PEBP4: variants seen among roughly 807,000 people sequenced by gnomAD.
PEBP4 encodes phosphatidylethanolamine binding protein 4, also known as phosphatidylethanolamine-binding protein 4.
PEBP4 carries 22 observed loss-of-function variants against 23.9 expected under a neutral mutation model. The observed-to-expected ratio is 0.92, with a 90% confidence interval of 0.66 to 1.31. PEBP4 has a LOEUF of 1.31. Among genes scored for constraint, PEBP4 ranks in the 40% most tolerant of loss-of-function variants. The probability of loss-of-function intolerance (pLI) is 0.00; values close to 1 mark genes in which losing one functional copy is unlikely to be tolerated. For synonymous variants in PEBP4, 112 were observed against 99.3 expected (o/e 1.13, Z -0.76); for missense variants, 324 against 281.7 (o/e 1.15, Z -1.07).
intron 5 of PEBP4, among the ~76,000 whole-genome samples, chr8:22,725,674 G>C (rs1804609681): frequency 2.0e-5 from 3 of 152,144 alleles, no homozygotes; most frequent in Admixed American, 2.0e-4. Context: ...CTTTCCCAGA[G>C]TGCTTCACCC....
chr8:22,839,006 C>A (rs376338551), intron 3 of PEBP4, among the ~76,000 whole-genome samples: 1 of 152,090 alleles, frequency 6.6e-6, no homozygotes, highest in Non-Finnish European at 1.5e-5. Flanking sequence ...ACCATGCCTT[C>A]GCTACAGGCA....
At chr8:22,728,559 T>TCTTTCTTTCTTTCTTC (rs1462225042) in intron 4 of PEBP4, among the ~76,000 whole-genome samples, 10 of 96,364 alleles carry the variant, frequency 1.0e-4, no homozygotes, top group African/African-American at 3.2e-4. Context: ...TTTCTTTCTT[T>TCTTTCTTTCTTTCTTC]CTTCCTTCCT....
chr8:22,815,085 C>T (rs755322829), intron 4 of PEBP4: 1 of 152,182 alleles, frequency 6.6e-6, no homozygotes, highest in Admixed American at 6.5e-5. Flanking sequence ...TAAGAGATGG[C>T]ATCATTCAAC....
At chr8:22,929,674 T>G (rs1475107062), upstream of PEBP4, among the ~76,000 whole-genome samples, 1 of 152,228 alleles carries the variant, frequency 6.6e-6, no homozygotes, top group Non-Finnish European at 1.5e-5. Context: ...CCCCAGGCTC[T>G]GGTTGAACCT....
At chr8:22,853,197 C>T (rs543201316) in intron 3 of PEBP4, among the ~76,000 whole-genome samples, 1 of 152,318 alleles carries the variant, frequency 6.6e-6, no homozygotes, top group South Asian at 2.1e-4. Context: ...AAGTTTGCTA[C>T]TGTTATGAAT....
At chr8:22,914,013 A>C (rs1450274248) in intron 3 of PEBP4, among the ~76,000 whole-genome samples, 1 of 132,004 alleles carries the variant, frequency 7.6e-6, no homozygotes, top group Non-Finnish European at 1.6e-5. Context: ...TTTGAGACAG[A>C]GTCTTGCTCT....
At chr8:22,771,296 C>T (rs1276422504) in intron 4 of PEBP4, among the ~76,000 whole-genome samples, 2 of 152,136 alleles carry the variant, frequency 1.3e-5, no homozygotes, top group Admixed American at 6.5e-5. Context: ...CGAGACCAGC[C>T]TAGCCAACAT....
rs532996522 is a variant in PEBP4 at position 22,924,122 on chromosome 8, G to GC, written c.131+3461_131+3462insG. 9.2e-5 allele frequency among the ~76,000 whole-genome samples: 14 copies of GC among 152,282 alleles called. No individual in the cohort carries two copies. The South Asian group carries it at 2.9e-3, about 32-fold the overall frequency. On this transcript the variant is annotated intron_variant, in intron 2 of 6. Transcript: ENST00000256404. ...GCATGCCTGTAATACCGGCACTTTG[G>GC]GAGGCTGAGGCAGCAGGATTGCTTG...
At chr8:22,862,514 G>A (rs1276763218) in intron 3 of PEBP4, among the ~76,000 whole-genome samples, 1 of 141,422 alleles carries the variant, frequency 7.1e-6, no homozygotes, top group Non-Finnish European at 1.6e-5. Context: ...TCAGCCGGGA[G>A]AGGAGCTGGG....
chr8:22,741,824 C>G (rs576154513), intron 4 of PEBP4, among the ~76,000 whole-genome samples: 1 of 152,322 alleles, frequency 6.6e-6, no homozygotes, highest in South Asian at 2.1e-4. Flanking sequence ...TGGGGAACAT[C>G]GCCTGTTTCA....
chr8:22,895,124 AAAG>A (rs1209405938), intron 3 of PEBP4, among the ~76,000 whole-genome samples: 2 of 152,178 alleles, frequency 1.3e-5, no homozygotes, highest in African/African-American at 4.8e-5. Flanking sequence ...ATCACGGAGG[AAAG>A]AAGATCATTT....
intron 4 of PEBP4, among the ~76,000 whole-genome samples, chr8:22,799,033 T>C (rs6995924): frequency 0.64 from 97,311 of 151,886 alleles, 31,460 homozygotes; most frequent in South Asian, 0.71. Flanking sequence ...CCACCGTGCC[T>C]GGCCATATCT....
chr8:22,876,621 C>A (rs1193620341), intron 3 of PEBP4, among the ~76,000 whole-genome samples: 1 of 152,170 alleles, frequency 6.6e-6, no homozygotes, highest in Non-Finnish European at 1.5e-5. Context: ...CCCAGGGGCA[C>A]CTCACAAACG....
chr8:22,917,815 G>C (rs1809109057), intron 3 of PEBP4, among the ~76,000 whole-genome samples: 1 of 152,168 alleles, frequency 6.6e-6, no homozygotes, highest in African/African-American at 2.4e-5. Flanking sequence ...ACTTTTAATG[G>C]ATGGAAAACC....
At chr8:22,772,586 C>G (rs1435443081) in intron 4 of PEBP4, among the ~76,000 whole-genome samples, 2 of 149,816 alleles carry the variant, frequency 1.3e-5, no homozygotes, top group Non-Finnish European at 3.0e-5. Context: ...GCATCCAACT[C>G]CTGGCCTCAG....
intron 3 of PEBP4, among the ~76,000 whole-genome samples, chr8:22,912,883 T>G (rs1308940046): frequency 6.6e-6 from 1 of 152,174 alleles, no homozygotes; most frequent in East Asian, 1.9e-4. Context: ...TGATTCGTCC[T>G]TGCCTGGGTG....
chr8:22,727,859 C>G (rs920963027), intron 4 of PEBP4, among the ~76,000 whole-genome samples: 8 of 152,184 alleles, frequency 5.3e-5, no homozygotes, highest in African/African-American at 1.9e-4. Flanking sequence ...TCCCTCCTCT[C>G]TTTCCCTCCC....
chr8:22,753,751 C>T (rs778046274), intron 4 of PEBP4, among the ~76,000 whole-genome samples: 1 of 152,164 alleles, frequency 6.6e-6, no homozygotes, highest in African/African-American at 2.4e-5. Context: ...GTGGCCGCCT[C>T]AACATTGGCT....
intron 3 of PEBP4, among the ~76,000 whole-genome samples, chr8:22,882,876 T>C (rs1808293146): frequency 6.6e-6 from 1 of 152,166 alleles, no homozygotes; most frequent in Non-Finnish European, 1.5e-5. Flanking sequence ...ACCCAGAGCC[T>C]ATTGAAATGA....
Sources: allele counts gnomAD v4.1 joint callset (sites outside exome capture counted in the v4.1 genomes callset), GRCh38; gene constraint gnomAD v4.1.1; transcripts MANE v1.5; gene names NCBI Gene and HGNC (gene_info 2026-07-23, HGNC 2026-07-21).